Variants in TPRG1 observed in about 807,000 individuals in gnomAD.
TPRG1 encodes tumor protein p63 regulated 1.
A neutral mutation model predicts 29.3 loss-of-function variants in TPRG1; 29 were observed. That is an observed-to-expected ratio of 0.99 (90% CI 0.74 to 1.35). TPRG1 has a LOEUF of 1.35. TPRG1 is among the 40% of genes most tolerant of loss of function. The pLI is 0.00. For missense variants in TPRG1, 327 were observed against 335.0 expected, an observed-to-expected ratio of 0.98 and a Z score of 0.19; for synonymous variants, 130 against 116.8, an observed-to-expected ratio of 1.11 and a Z score of -0.73.
intron 5 of TPRG1, among the ~76,000 whole-genome samples, chr3:189,163,742 T>G (rs1375959239): frequency 4.6e-5 from 7 of 152,170 alleles, no homozygotes; most frequent in African/African-American, 1.2e-4. Flanking sequence ...TTAGGGCTTC[T>G]CCACAACTTT....
chr3:189,291,710 T>C (rs930787370), intron 4 of TPRG1, among the ~76,000 whole-genome samples: 3 of 152,250 alleles, frequency 2.0e-5, no homozygotes, highest in Non-Finnish European at 4.4e-5. Flanking sequence ...CCAACTATGT[T>C]TTATTTGCAT....
chr3:189,188,875 G>T (rs1731303958), intron 1 of TPRG1, among the ~76,000 whole-genome samples: 1 of 152,102 alleles, frequency 6.6e-6, no homozygotes. Context: ...CAATAACCCA[G>T]TTATCTGCGT....
chr3:189,205,051 A>C (rs530563610), intron 1 of TPRG1, among the ~76,000 whole-genome samples: 1 of 152,126 alleles, frequency 6.6e-6, no homozygotes, highest in Non-Finnish European at 1.5e-5. Flanking sequence ...ACCTAACTTT[A>C]AAAGATCACC....
intron 4 of TPRG1, among the ~76,000 whole-genome samples, chr3:189,280,998 C>T (rs1717038342): frequency 6.6e-6 from 1 of 152,170 alleles, no homozygotes; most frequent in South Asian, 2.1e-4. Flanking sequence ...AGCTCTCCTA[C>T]ATGTCAGTTA....
intron 4 of TPRG1, among the ~76,000 whole-genome samples, chr3:189,094,664 T>C (rs1718559221): frequency 6.6e-6 from 1 of 152,086 alleles, no homozygotes. Flanking sequence ...TTCACCCAGG[T>C]GTAATTGATT....
At chr3:189,001,959 G>A (rs1712046439) in intron 2 of TPRG1, among the ~76,000 whole-genome samples, 1 of 152,224 alleles carries the variant, frequency 6.6e-6, no homozygotes, top group African/African-American at 2.4e-5. Context: ...ATCTGTTGGA[G>A]GAAGGCAGGC....
intron 1 of TPRG1, among the ~76,000 whole-genome samples, chr3:189,122,517 A>G (rs1721946128): frequency 6.6e-6 from 1 of 152,158 alleles, no homozygotes; most frequent in Non-Finnish European, 1.5e-5. Flanking sequence ...TTTTTTTCCT[A>G]GAAGAGTATT....
rs1013941448 is a variant in TPRG1 at position 189,322,684 on chromosome 3, C to T, written c.*1864C>T. ...ATGTCCAGCACATTCTTTTGAGTTA[C>T]CATTTAAGGATCAGCCTGACAATCG... On this transcript the variant is annotated 3_prime_UTR_variant, in exon 6 of 6. Coordinates refer to ENST00000345063, the MANE Select transcript of TPRG1 (RefSeq NM_198485.4). 2 of 152,520 alleles carry T rather than the reference C, an allele frequency of 1.3e-5. No individual in the cohort carries two copies. The highest frequency in any genetic ancestry group is 4.8e-5 in the African/African-American group (2 of 41,416). 9.4% of individuals were successfully genotyped at this position (152,520 alleles called of 1,614,324 possible). A position where few individuals can be genotyped will look rare whatever the true frequency, so the allele number is the denominator to read the frequency against.
intron 1 of TPRG1, among the ~76,000 whole-genome samples, chr3:189,100,438 G>A (rs1719054158): frequency 6.6e-6 from 1 of 152,132 alleles, no homozygotes; most frequent in Non-Finnish European, 1.5e-5. Context: ...TCTCTCTCAT[G>A]GGTCTCGGCT....
chr3:189,315,602 T>G, intron 5 of TPRG1: 1 of 410,352 alleles, frequency 2.4e-6, no homozygotes, highest in South Asian at 1.7e-5. Context: ...ACCAACCATT[T>G]GTACTCTTTT....
chr3:189,116,997 AGAAGTTAGACTTGGCT>A (rs1180052664), intron 1 of TPRG1, among the ~76,000 whole-genome samples: 2 of 152,192 alleles, frequency 1.3e-5, no homozygotes, highest in African/African-American at 4.8e-5. Context: ...TTTCTCAAAG[AGAAGTTAGACTTGGCT>A]GTATCCCCTT....
chr3:189,287,688 T>C (rs1307623567), intron 4 of TPRG1, among the ~76,000 whole-genome samples: 1 of 152,194 alleles, frequency 6.6e-6, no homozygotes, highest in Non-Finnish European at 1.5e-5. Context: ...TGAGCCACCA[T>C]GCCCAGCCTA....
chr3:189,168,729 A>G (rs1361959071), upstream of TPRG1, among the ~76,000 whole-genome samples: 4 of 152,148 alleles, frequency 2.6e-5, no homozygotes, highest in African/African-American at 9.7e-5. Context: ...GTTCATTGTC[A>G]TTGAACTCCT....
rs114116175 is a variant in TPRG1, at chr3:189,030,677, C to T, written c.-463+6731C>T. On this transcript the variant is annotated intron_variant, in intron 4 of 10. Transcript: ENST00000433971. The stretch of plus-strand genomic sequence containing the variant: ...TGAAGAAGAGTTGCTGAAAGTGTTA[C>T]GCCAGTCACCTACCCTGAGGAGTGG... Among the ~76,000 whole-genome samples the T allele has an allele frequency of 3.4e-3, 513 of 152,242 alleles. 3 individuals are homozygous for T. Among genetic ancestry groups the T allele is most frequent in the Non-Finnish European group, 6.2e-3 (420 of 68,022 alleles).
chr3:189,256,376 G>A (rs932498285), intron 4 of TPRG1, among the ~76,000 whole-genome samples: 2 of 152,156 alleles, frequency 1.3e-5, no homozygotes, highest in African/African-American at 4.8e-5. Context: ...TGGTCTGACT[G>A]TTATGATTTC....
intron 4 of TPRG1, among the ~76,000 whole-genome samples, chr3:189,094,006 G>T (rs552391950): frequency 1.6e-4 from 24 of 152,028 alleles, no homozygotes; most frequent in Admixed American, 5.9e-4. Flanking sequence ...TTAATAAATT[G>T]TTCATTTTTC....
intron 1 of TPRG1, among the ~76,000 whole-genome samples, chr3:189,116,010 A>C (rs920712832): frequency 3.9e-5 from 6 of 152,188 alleles, no homozygotes; most frequent in Admixed American, 2.6e-4. Flanking sequence ...GATGTGGAGA[A>C]ACTGGAACCC....
chr3:189,054,240 C>T (rs1456863995), intron 4 of TPRG1, among the ~76,000 whole-genome samples: 3 of 152,062 alleles, frequency 2.0e-5, no homozygotes, highest in Admixed American at 6.5e-5. Context: ...CAGAGAAGGA[C>T]GGGAGGATGA....
intron 4 of TPRG1, among the ~76,000 whole-genome samples, chr3:189,291,666 T>C (rs773380823): frequency 6.6e-6 from 1 of 152,248 alleles, no homozygotes; most frequent in Non-Finnish European, 1.5e-5. Context: ...CAATTCTTAA[T>C]CTGAGAAGCC....
Sources: allele counts gnomAD v4.1 joint callset (sites outside exome capture counted in the v4.1 genomes callset), GRCh38; gene constraint gnomAD v4.1.1; transcripts MANE v1.5; gene names NCBI Gene and HGNC (gene_info 2026-07-23, HGNC 2026-07-21).